The following GADL1 variants were observed in gnomAD, a reference collection of about 807,000 sequenced individuals.
GADL1 encodes GAD like acidic amino acid decarboxylase 1.
In GADL1, 71 loss-of-function variants were observed where a neutral mutation model predicts 69.5. The ratio of observed to expected loss-of-function variants is 1.02; its 90% CI spans 0.84 to 1.25. The LOEUF (loss-of-function observed/expected upper bound fraction) is 1.25, where lower values mean the gene tolerates loss of function less well. GADL1 is among the 50% of genes most tolerant of loss of function. The pLI is 0.00. For missense variants in GADL1, 737 were observed against 631.8 expected, an observed-to-expected ratio of 1.17 and a Z score of -1.79; for synonymous variants, 254 against 214.4, an observed-to-expected ratio of 1.18 and a Z score of -1.62.
At chr3:30,779,035 C>T (rs1696600320) in intron 13 of GADL1, 1 of 152,286 alleles carries the variant, frequency 6.6e-6, no homozygotes, top group African/African-American at 2.4e-5. Context: ...AATCATAACC[C>T]AGTTATCTTC....
At chr3:30,777,392 C>T (rs1044413388) in intron 14 of GADL1, among the ~76,000 whole-genome samples, 1 of 152,118 alleles carries the variant, frequency 6.6e-6, no homozygotes, top group African/African-American at 2.4e-5. Flanking sequence ...TGGTGCTAGC[C>T]CATAAGAACT....
chr3:30,877,316 G>A (rs1464731507), intron 1 of GADL1, among the ~76,000 whole-genome samples: 1 of 151,852 alleles, frequency 6.6e-6, no homozygotes, highest in Non-Finnish European at 1.5e-5. Flanking sequence ...TAAATGCTAA[G>A]CTGACATATT....
intron 12 of GADL1, among the ~76,000 whole-genome samples, chr3:30,796,412 TAAG>T (rs933077850): frequency 5.3e-5 from 8 of 152,256 alleles, no homozygotes; most frequent in South Asian, 2.1e-4. Flanking sequence ...ACACATTCTA[TAAG>T]AAGAATTGAC....
At chr3:30,791,010 A>T (rs971039180) in intron 12 of GADL1, among the ~76,000 whole-genome samples, 3 of 151,472 alleles carry the variant, frequency 2.0e-5, no homozygotes, top group Non-Finnish European at 1.5e-5. Context: ...TTTTTTTTTT[A>T]AATCTCTATC....
At chr3:30,864,882 A>T (rs1698374988) in intron 1 of GADL1, among the ~76,000 whole-genome samples, 1 of 151,670 alleles carries the variant, frequency 6.6e-6, no homozygotes, top group Non-Finnish European at 1.5e-5. Flanking sequence ...CCAACTAACC[A>T]CCTTTCTTCG....
At chr3:30,751,392 C>CTT (rs532032103) in intron 14 of GADL1, among the ~76,000 whole-genome samples, 1 of 151,942 alleles carries the variant, frequency 6.6e-6, no homozygotes, top group Non-Finnish European at 1.5e-5. Flanking sequence ...TCAGTCTGTG[C>CTT]TTTTTCTTTC....
At chr3:30,850,977 T>G in intron 4 of GADL1, 36 bp from the exon 5 acceptor site, 1 of 1,237,318 alleles carries the variant, frequency 8.1e-7, no homozygotes, top group Non-Finnish European at 1.2e-6. Flanking sequence ...CTTCTATGAC[T>G]AGAGTCAAAA....
chr3:30,863,162 C>T (rs1054831107), intron 1 of GADL1, among the ~76,000 whole-genome samples: 4 of 151,900 alleles, frequency 2.6e-5, no homozygotes, highest in Non-Finnish European at 5.9e-5. Context: ...GCGATATAAA[C>T]TTGTCACTAA....
intron 14 of GADL1, among the ~76,000 whole-genome samples, chr3:30,765,877 G>A (rs11715510): frequency 0.24 from 36,786 of 151,888 alleles, 4,959 homozygotes; most frequent in Non-Finnish European, 0.3. Flanking sequence ...TGTTTCTCTC[G>A]CCTCTAGCTT....
At chr3:30,732,500 T>G (rs1291090142) in intron 14 of GADL1, among the ~76,000 whole-genome samples, 1 of 152,164 alleles carries the variant, frequency 6.6e-6, no homozygotes, top group Non-Finnish European at 1.5e-5. Flanking sequence ...GTTCCATCAG[T>G]GATTTAGTCA....
In GADL1 at chr3:30,767,107, A is replaced by C. The variant is rs970635551; in HGVS notation, c.1392+11072T>G. Among the ~76,000 whole-genome samples the C allele has an allele frequency of 2.0e-5, 3 of 152,168 alleles. No homozygotes were observed. In the East Asian group the frequency reaches 5.8e-4, roughly 29 times the overall value. On this transcript the variant is annotated intron_variant, in intron 14 of 14. Transcript: ENST00000282538. ...TCCCCATCAAAGTTCTGTGAGGTGC[A>C]GGTAGTTTTTAAATATCCTCCTGTT...
intron 11 of GADL1, among the ~76,000 whole-genome samples, chr3:30,826,076 T>A (rs4955340): frequency 0.37 from 55,427 of 151,814 alleles, 13,907 homozygotes; most frequent in African/African-American, 0.68. Context: ...AAATTTTTCT[T>A]TTACGTTCAT....
chr3:30,856,658 C>G (rs1348883226), intron 3 of GADL1, among the ~76,000 whole-genome samples: 1 of 151,990 alleles, frequency 6.6e-6, no homozygotes, highest in Non-Finnish European at 1.5e-5. Flanking sequence ...GATTTAAAAT[C>G]CCTTAACAAA....
intron 11 of GADL1, among the ~76,000 whole-genome samples, chr3:30,804,388 CAA>C (rs1697217774): frequency 1.3e-5 from 2 of 152,186 alleles, no homozygotes; most frequent in African/African-American, 4.8e-5. Flanking sequence ...GTGCTACTAA[CAA>C]AGATTCTGTT....
At chr3:30,731,406 A>G (rs1296591239) in intron 14 of GADL1, among the ~76,000 whole-genome samples, 1 of 152,192 alleles carries the variant, frequency 6.6e-6, no homozygotes, top group Non-Finnish European at 1.5e-5. Flanking sequence ...GAGCATTAGA[A>G]TTTTGATTCC....
chr3:30,837,363 T>G (rs184252517), intron 9 of GADL1, among the ~76,000 whole-genome samples: 72 of 152,250 alleles, frequency 4.7e-4, no homozygotes, highest in African/African-American at 1.7e-3. Flanking sequence ...ATGTCTTTAA[T>G]AAGCCAGATA....
intron 14 of GADL1, among the ~76,000 whole-genome samples, chr3:30,772,266 T>C (rs1696434481): frequency 6.6e-6 from 1 of 152,112 alleles, no homozygotes; most frequent in Non-Finnish European, 1.5e-5. Context: ...GGTCAGCAAA[T>C]GGAAAAAATT....
At chr3:30,871,111 A>AG (rs1698476357) in intron 1 of GADL1, among the ~76,000 whole-genome samples, 1 of 146,572 alleles carries the variant, frequency 6.8e-6, no homozygotes, top group Non-Finnish European at 1.5e-5. Flanking sequence ...TGTTTGTCCA[A>AG]GGGGCAGGGT....
intron 14 of GADL1, among the ~76,000 whole-genome samples, chr3:30,739,891 C>A (rs573115474): frequency 6.6e-6 from 1 of 152,044 alleles, no homozygotes. Flanking sequence ...TATTAACCAA[C>A]GGTTTTTAAA....
Sources: allele counts gnomAD v4.1 joint callset (sites outside exome capture counted in the v4.1 genomes callset), GRCh38; gene constraint gnomAD v4.1.1; transcripts MANE v1.5; gene names NCBI Gene and HGNC (gene_info 2026-07-23, HGNC 2026-07-21).